RGS21: variants seen among roughly 807,000 people sequenced by gnomAD.
RGS21 encodes regulator of G-protein signalling 21.
A neutral mutation model predicts 18.7 loss-of-function variants in RGS21; 19 were observed. That is an observed-to-expected ratio of 1.01 (90% CI 0.71 to 1.49). RGS21 has a LOEUF of 1.49. Among genes scored for constraint, RGS21 ranks in the 40% most tolerant of loss-of-function variants. The probability of loss-of-function intolerance (pLI) is 0.00; values close to 1 mark genes in which losing one functional copy is unlikely to be tolerated. For synonymous variants in RGS21, 56 were observed against 57.8 expected, an observed-to-expected ratio of 0.97 and a Z score of 0.14; for missense variants, 194 against 176.8, an observed-to-expected ratio of 1.10 and a Z score of -0.55.
At chr1:192,320,103 T>C (rs1658475020) in intron 1 of RGS21, among the ~76,000 whole-genome samples, 1 of 151,720 alleles carries the variant, frequency 6.6e-6, no homozygotes, top group Non-Finnish European at 1.5e-5. Context: ...CATTAAGAAA[T>C]AGAAGGGTAA....
At chr1:192,353,052 C>G (rs762320586) in intron 4 of RGS21, among the ~76,000 whole-genome samples, 2 of 151,910 alleles carry the variant, frequency 1.3e-5, no homozygotes, top group African/African-American at 2.4e-5. Flanking sequence ...CTACTATTAC[C>G]AATCATCTTT....
intron 1 of RGS21, among the ~76,000 whole-genome samples, chr1:192,328,758 G>A (rs926666103): frequency 1.3e-5 from 2 of 152,020 alleles, no homozygotes; most frequent in African/African-American, 2.4e-5. Context: ...TGTACACTAG[G>A]ATGTTCGTCA....
chr1:192,342,893 G>T, intron 1 of RGS21, 84 bp from the exon 2 acceptor site: 1 of 740,976 alleles, frequency 1.3e-6, no homozygotes, highest in South Asian at 1.8e-5. Flanking sequence ...GAGAATAGCA[G>T]AATTTAAAGA....
intron 1 of RGS21, among the ~76,000 whole-genome samples, chr1:192,328,527 T>C (rs2102223711): frequency 6.6e-6 from 1 of 152,314 alleles, no homozygotes; most frequent in African/African-American, 2.4e-5. Context: ...GGCCATTATA[T>C]TACTTTCTTT....
intron 1 of RGS21, among the ~76,000 whole-genome samples, chr1:192,330,591 A>G (rs1169099603): frequency 1.3e-5 from 2 of 152,202 alleles, no homozygotes; most frequent in Non-Finnish European, 2.9e-5. Context: ...TATGTTTTTC[A>G]GTAAGACTCT....
intron 4 of RGS21, among the ~76,000 whole-genome samples, chr1:192,359,655 G>GTGTATATATATATA (rs1553241170): frequency 2.5e-4 from 31 of 124,274 alleles, no homozygotes; most frequent in African/African-American, 9.2e-4. Context: ...GTGTGTGTGT[G>GTGTATATATATATA]TATATATATA....
intron 4 of RGS21, among the ~76,000 whole-genome samples, chr1:192,361,359 G>T (rs1422068825): frequency 6.6e-6 from 1 of 152,174 alleles, no homozygotes; most frequent in African/African-American, 2.4e-5. Flanking sequence ...ATTTTTCAAA[G>T]ACCTGTGGAG....
intron 1 of RGS21, among the ~76,000 whole-genome samples, chr1:192,327,420 G>A (rs1285615356): frequency 6.6e-6 from 1 of 151,620 alleles, no homozygotes; most frequent in Non-Finnish European, 1.5e-5. Context: ...AATCTCAAAA[G>A]TCTATGAGAT....
intron 4 of RGS21, among the ~76,000 whole-genome samples, chr1:192,363,753 C>G (rs1659218938): frequency 6.6e-6 from 1 of 152,100 alleles, no homozygotes; most frequent in African/African-American, 2.4e-5. Flanking sequence ...CTTGCTTACA[C>G]CCTACACTCT....
chr1:192,327,229 G>GA (rs76223846), intron 1 of RGS21, among the ~76,000 whole-genome samples: 17 of 151,304 alleles, frequency 1.1e-4, no homozygotes, highest in African/African-American at 3.6e-4. Context: ...AAAGAGCAAT[G>GA]AAAAAAAAGA....
At chr1:192,318,716 A>G (rs1326198492) in intron 1 of RGS21, among the ~76,000 whole-genome samples, 2 of 152,126 alleles carry the variant, frequency 1.3e-5, no homozygotes, top group African/African-American at 4.8e-5. Context: ...TCAAGCTTGG[A>G]GGAAAAAAAG....
chr1:192,345,239 C>G (rs1262220960), intron 2 of RGS21, among the ~76,000 whole-genome samples: 1 of 152,088 alleles, frequency 6.6e-6, no homozygotes, highest in East Asian at 1.9e-4. Context: ...GAATGGATGT[C>G]AGCTATTCTC....
At chr1:192,329,672 T>C (rs1269753073) in intron 1 of RGS21, among the ~76,000 whole-genome samples, 6 of 152,070 alleles carry the variant, frequency 3.9e-5, no homozygotes, top group South Asian at 2.1e-4. Context: ...ATGCAATTAA[T>C]ATAAAACTGT....
intron 4 of RGS21, among the ~76,000 whole-genome samples, chr1:192,359,205 C>T (rs1198744831): frequency 2.6e-5 from 4 of 151,806 alleles, no homozygotes; most frequent in African/African-American, 9.7e-5. Flanking sequence ...TCACTGAAAC[C>T]AAAGGGTATC....
intron 3 of RGS21, among the ~76,000 whole-genome samples, chr1:192,351,807 C>G (rs1268391542): frequency 6.9e-6 from 1 of 145,726 alleles, no homozygotes; most frequent in Non-Finnish European, 1.5e-5. Flanking sequence ...GCACATATAA[C>G]ATATATGTGC....
At chr1:192,328,215 C>T (rs1045732159) in intron 1 of RGS21, among the ~76,000 whole-genome samples, 1 of 152,094 alleles carries the variant, frequency 6.6e-6, no homozygotes, top group Non-Finnish European at 1.5e-5. Flanking sequence ...GGCATGGCTC[C>T]GAGGGCGGCC....
At chr1:192,365,825 C>A (rs1659249934) in intron 4 of RGS21, 96 bp from the exon 5 acceptor site, 1 of 668,476 alleles carries the variant, frequency 1.5e-6, no homozygotes, top group Non-Finnish European at 2.5e-6. Context: ...ATCAGATTTG[C>A]TTTGTGTTTA....
At chr1:192,338,212 G>A (rs1041397564) in intron 1 of RGS21, among the ~76,000 whole-genome samples, 3 of 152,066 alleles carry the variant, frequency 2.0e-5, no homozygotes, top group African/African-American at 4.8e-5. Context: ...AGAAATAATT[G>A]ATGAACCATA....
At chr1:192,341,237 C>T (rs939993129) in intron 1 of RGS21, among the ~76,000 whole-genome samples, 7 of 152,016 alleles carry the variant, frequency 4.6e-5, no homozygotes, top group African/African-American at 1.7e-4. Context: ...AATTACACCC[C>T]ATCCCCCAGG....
Sources: allele counts gnomAD v4.1 joint callset (sites outside exome capture counted in the v4.1 genomes callset), GRCh38; gene constraint gnomAD v4.1.1; transcripts MANE v1.5; gene names NCBI Gene and HGNC (gene_info 2026-07-23, HGNC 2026-07-21).